Variants in COP1 observed in about 807,000 individuals in gnomAD.
COP1 encodes E3 ubiquitin-protein ligase COP1.
In COP1, 24 loss-of-function variants were observed where a neutral mutation model predicts 101.3. The observed-to-expected ratio is 0.24, with a 90% CI of 0.17 to 0.33. The LOEUF is 0.33. COP1 is among the 10% of genes least tolerant of loss of function. COP1 has a pLI of 1.00. For missense variants in COP1, 663 were observed against 906.2 expected (o/e 0.73, Z 3.45); for synonymous variants, 347 against 341.9 (o/e 1.01, Z -0.17).
At chr1:176,103,454 GGAGAGCATGCATGCCCAGA>G (rs1404131758) in intron 9 of COP1, among the ~76,000 whole-genome samples, 3 of 152,196 alleles carry the variant, frequency 2.0e-5, no homozygotes, top group African/African-American at 7.2e-5. Flanking sequence ...AGGATGATCA[GGAGAGCATGCATGCCCAGA>G]GAGGGCATGG....
At chr1:176,176,677 G>C (rs1018283918) in intron 2 of COP1, among the ~76,000 whole-genome samples, 2 of 151,984 alleles carry the variant, frequency 1.3e-5, no homozygotes, top group African/African-American at 4.8e-5. Context: ...AAATTAGCCA[G>C]GCATGATAGC....
chr1:176,082,308 G>A (rs560623462), intron 10 of COP1, among the ~76,000 whole-genome samples: 1 of 152,128 alleles, frequency 6.6e-6, no homozygotes, highest in African/African-American at 2.4e-5. Flanking sequence ...ACTTTTTCAA[G>A]GTAAATGTTC....
At chr1:176,127,561 C>CTGTG (rs71129555) in intron 8 of COP1, among the ~76,000 whole-genome samples, 41,923 of 147,922 alleles carry the variant, frequency 0.28, 5,914 homozygotes, top group Middle Eastern at 0.34. Flanking sequence ...TAGTATTCTA[C>CTGTG]TGTGTGTGTG....
chr1:176,173,343 A>AAAC (rs1696402049), intron 3 of COP1, among the ~76,000 whole-genome samples: 1 of 149,594 alleles, frequency 6.7e-6, no homozygotes, highest in Admixed American at 6.7e-5. Flanking sequence ...AAAAAAAAAA[A>AAAC]ACCAGTAATT....
rs575525589 is a variant in COP1, at chr1:176,165,383, T to G, written c.566-1492A>C. Among the ~76,000 whole-genome samples the G allele has an allele frequency of 2.7e-5, 4 of 150,174 alleles. No homozygotes were observed. The East Asian group carries it at 8.0e-4, about 30-fold the overall frequency. ...TGTCGTGTGTGTGTGTGTGTGTGTG[T>G]GTGTGTGTGTGTGTGTGTGTGTGTA... On this transcript the variant is annotated intron_variant, in intron 3 of 19. Transcript: ENST00000367669.
chr1:176,024,440 A>T lies in COP1; in HGVS notation c.1729+3132T>A, dbSNP rs1020906915. 2.0e-5 allele frequency among the ~76,000 whole-genome samples: 3 copies of T among 152,332 alleles called. No individual in the cohort carries two copies. In the East Asian group the frequency reaches 5.8e-4, roughly 29 times the overall value. ...AAGCATCTGACAAAATCTAACACCTATTCATAACAAAAACTCTTAGCAAAC... is the reference window on the plus strand; with the variant it reads ...AAGCATCTGACAAAATCTAACACCTTTTCATAACAAAAACTCTTAGCAAAC... On this transcript the variant is annotated intron_variant, in intron 15 of 19. Coordinates refer to ENST00000367669, the MANE Select transcript of COP1 (RefSeq NM_022457.7).
chr1:175,991,658 G>C (rs1372569491), intron 15 of COP1, among the ~76,000 whole-genome samples: 1 of 152,104 alleles, frequency 6.6e-6, no homozygotes, highest in Admixed American at 6.5e-5. Flanking sequence ...CACATACATT[G>C]TACAGCTGGA....
intron 18 of COP1, among the ~76,000 whole-genome samples, chr1:175,948,345 G>A (rs1340612154): frequency 4.6e-5 from 7 of 152,110 alleles, no homozygotes; most frequent in Non-Finnish European, 1.0e-4. Context: ...GCTAAGAGGT[G>A]GTAAACAGAC....
chr1:176,191,977 G>T (rs578262245), intron 1 of COP1, among the ~76,000 whole-genome samples: 1 of 152,196 alleles, frequency 6.6e-6, no homozygotes, highest in South Asian at 2.1e-4. Context: ...AAATAACTAT[G>T]TGCTAGCTTC....
intron 9 of COP1, among the ~76,000 whole-genome samples, chr1:176,104,243 T>C (rs1683922353): frequency 6.6e-6 from 1 of 152,152 alleles, no homozygotes; most frequent in Non-Finnish European, 1.5e-5. Context: ...ACAAGTATTT[T>C]AAGAAACAAG....
chr1:176,113,760 A>G (rs1295622968), intron 9 of COP1, among the ~76,000 whole-genome samples: 2 of 152,164 alleles, frequency 1.3e-5, no homozygotes, highest in East Asian at 3.9e-4. Flanking sequence ...CACTTGTTAA[A>G]TAATTTGTGG....
chr1:176,117,921 A>C (rs1298992727), intron 8 of COP1, among the ~76,000 whole-genome samples: 1 of 151,612 alleles, frequency 6.6e-6, no homozygotes, highest in Non-Finnish European at 1.5e-5. Context: ...AACAAACAAA[A>C]AACCAACAAA....
rs1176823911 is a variant in COP1, at chr1:176,151,043, T to TA, written c.763-1970dup. ...AATTATACCAAAATGTCTAGCCATA[T>TA]AATGTTCTATTAGAACAGGTGCAAA... On this transcript the variant is annotated intron_variant, in intron 5 of 19. Coordinates refer to ENST00000367669, the MANE Select transcript of COP1 (RefSeq NM_022457.7). Among the ~76,000 whole-genome samples, 4 of 152,160 alleles carry TA rather than the reference T, an allele frequency of 2.6e-5. No individual in the cohort carries two copies. In the South Asian group the frequency reaches 6.2e-4, roughly 24 times the overall value.
At chr1:175,967,488 A>AAAACAAACAAAC (rs71129535) in intron 18 of COP1, among the ~76,000 whole-genome samples, 5 of 151,096 alleles carry the variant, frequency 3.3e-5, no homozygotes, top group South Asian at 2.1e-4. Context: ...TCAGTCTCAA[A>AAAACAAACAAAC]AAACAAACAA....
intron 3 of COP1, among the ~76,000 whole-genome samples, chr1:176,166,856 G>A (rs12042918): frequency 0.32 from 49,371 of 152,032 alleles, 8,588 homozygotes; most frequent in Admixed American, 0.4. Flanking sequence ...AGGACTGCCT[G>A]AGCTCAGGAG....
intron 3 of COP1, among the ~76,000 whole-genome samples, chr1:176,171,701 C>G (rs1333202060): frequency 6.6e-6 from 1 of 150,936 alleles, no homozygotes; most frequent in Non-Finnish European, 1.5e-5. Context: ...AAAAATGCAA[C>G]TTCTATAAAG....
chr1:176,207,250 C>T lies in COP1; in HGVS notation c.-272G>A, dbSNP rs1243012767. 5 of 395,400 alleles carry T rather than the reference C, an allele frequency of 1.3e-5. No homozygotes were observed. Among genetic ancestry groups the T allele is most frequent in the East Asian group, 3.6e-5 (1 of 27,886 alleles). The allele number at this position is 395,400 out of a possible 1,614,324, so 24.5% of individuals were successfully genotyped here. ...CCGCGGTCCCTGTAGCAGCCAACCC[C>T]GGCGCGCCGTGGCCGGCCGTGCGCG... On this transcript the variant is annotated 5_prime_UTR_variant, in exon 1 of 20. Transcript: ENST00000367669.
intron 18 of COP1, among the ~76,000 whole-genome samples, chr1:175,953,260 G>C (rs1185850343): frequency 3.3e-5 from 5 of 150,602 alleles, no homozygotes; most frequent in Admixed American, 1.3e-4. Flanking sequence ...TAATAAGCTA[G>C]TAAAGGAGAA....
intron 18 of COP1, among the ~76,000 whole-genome samples, chr1:175,948,090 T>G (rs1649412938): frequency 6.6e-6 from 1 of 152,244 alleles, no homozygotes. Context: ...CACATGCATT[T>G]TTAATAACCT....
Sources: gnomAD v4.1 joint callset for allele counts (sites outside exome capture counted in the v4.1 genomes callset) on GRCh38, gnomAD v4.1.1 for gene constraint, MANE v1.5 for transcripts, NCBI Gene and HGNC (gene_info 2026-07-23, HGNC 2026-07-21) for gene names.